The following SEC63 variants were observed in gnomAD, a reference collection of about 807,000 sequenced individuals.
SEC63 encodes the protein translocation protein SEC63 homolog.
In SEC63, 56 loss-of-function variants were observed where a neutral mutation model predicts 116.2. The ratio of observed to expected loss-of-function variants is 0.48; its 90% CI spans 0.39 to 0.60. SEC63 has a LOEUF of 0.60. SEC63 is among the 20% of genes least tolerant of loss of function. The probability of loss-of-function intolerance (pLI) is 0.00; values close to 1 mark genes in which losing one functional copy is unlikely to be tolerated. For synonymous variants in SEC63, 273 were observed against 294.6 expected, an observed-to-expected ratio of 0.93 and a Z score of 0.75; for missense variants, 668 against 900.0, an observed-to-expected ratio of 0.74 and a Z score of 3.30.
chr6:107,904,322 A>C (rs1787088246), intron 11 of SEC63, among the ~76,000 whole-genome samples: 1 of 151,590 alleles, frequency 6.6e-6, no homozygotes, highest in African/African-American at 2.4e-5. Flanking sequence ...AGGCAGGAGA[A>C]TCGCTTGAAC....
intron 17 of SEC63, among the ~76,000 whole-genome samples, chr6:107,882,378 A>G (rs747243771): frequency 1.9e-4 from 29 of 152,170 alleles, no homozygotes; most frequent in South Asian, 1.2e-3. Flanking sequence ...ATTCTTCTCT[A>G]TAATTCTCCC....
At chr6:107,956,511 G>A (rs1017950831) in intron 1 of SEC63, among the ~76,000 whole-genome samples, 1 of 151,942 alleles carries the variant, frequency 6.6e-6, no homozygotes, top group Admixed American at 6.6e-5. Flanking sequence ...AATGCACTTA[G>A]GAAATAAGGC....
At chr6:107,878,104 T>A (rs981669157) in intron 18 of SEC63, among the ~76,000 whole-genome samples, 4 of 152,240 alleles carry the variant, frequency 2.6e-5, no homozygotes, top group African/African-American at 7.2e-5. Context: ...AGTGTGGCTG[T>A]GTTCTAATAA....
Position 107,886,150 on chromosome 6 carries a change from G to C in SEC63, c.1675-3004C>G, listed in dbSNP as rs140800629. ...TTGTGTTAGTTTGCTGAGAATGATG[G>C]TTTCCAACGTCATCCATGTCCCTGC... On this transcript the variant is annotated intron_variant, in intron 16 of 20. Coordinates refer to ENST00000369002, the MANE Select transcript of SEC63 (RefSeq NM_007214.5). Among the ~76,000 whole-genome samples the C allele has an allele frequency of 7.0e-3, 1,068 of 152,180 alleles. 17 individuals carry two copies. The highest frequency in any genetic ancestry group is 0.025 in the African/African-American group (1,028 of 41,502).
At chr6:107,913,342 T>C in intron 5 of SEC63, 24 bp downstream of exon 5, 2 of 1,459,048 alleles carry the variant, frequency 1.4e-6, no homozygotes, top group Non-Finnish European at 1.9e-6. Flanking sequence ...ATCGCCAATA[T>C]TTTAAAATCA....
At chr6:107,947,091 T>A (rs1167468648) in intron 1 of SEC63, among the ~76,000 whole-genome samples, 1 of 152,132 alleles carries the variant, frequency 6.6e-6, no homozygotes, top group Non-Finnish European at 1.5e-5. Flanking sequence ...TTTTTTCTAA[T>A]GTTAAAAAAC....
intron 4 of SEC63, among the ~76,000 whole-genome samples, chr6:107,914,264 C>A (rs1177509796): frequency 6.6e-6 from 1 of 152,096 alleles, no homozygotes. Context: ...AACACACACG[C>A]TCAAAAATGA....
rs746736458 is a variant in SEC63, at chr6:107,924,864, C to T, written c.293G>A (p.Arg98Gln). ...ATAAGGATTGTATTCTTGGTATTCT[C>T]GGTCTGTTTTGGAAACTTTATATGC... ...FLAYKVSKTD[R>Q]EYQEYNPYEV... Residue 98 changes from arginine (R) to glutamine (Q), a missense_variant, in exon 3 of 21, where the codon CGA (arginine) becomes CAA (glutamine). Arg to Gln is a conservative substitution (Grantham distance 43). Coordinates refer to ENST00000369002, the MANE Select transcript of SEC63 (RefSeq NM_007214.5). 12 of 1,598,614 alleles carry T rather than the reference C, an allele frequency of 7.5e-6. No homozygotes were observed. In the East Asian group the frequency reaches 1.3e-4, roughly 18 times the overall value.
At chr6:107,945,907 T>C (rs999622902) in intron 1 of SEC63, among the ~76,000 whole-genome samples, 1 of 152,022 alleles carries the variant, frequency 6.6e-6, no homozygotes, top group Non-Finnish European at 1.5e-5. Context: ...ATGCAGGCGG[T>C]TTTTTTCCTG....
chr6:107,954,481 T>TAAAAAAAAAAAAAAAAA (rs1562345005), intron 1 of SEC63: 4 of 14,008 alleles, frequency 2.9e-4, no homozygotes, highest in Non-Finnish European at 5.4e-4. Context: ...AAAAAAAAAA[T>TAAAAAAAAAAAAAAAAA]CAAAAAAAAA....
At chr6:107,880,420 G>A (rs1363852365) in intron 18 of SEC63, among the ~76,000 whole-genome samples, 6 of 152,246 alleles carry the variant, frequency 3.9e-5, no homozygotes, top group Non-Finnish European at 7.4e-5. Context: ...CTCTACTCCA[G>A]ACAGAATCAT....
rs1009551987 is a variant in SEC63, at chr6:107,871,097, G to A, written c.*607C>T. ...TTTTTATAATCTGTCTGATAACTCT[G>A]GGCAATTAAGAAAAGGAAAATTCCA... On this transcript the variant is annotated 3_prime_UTR_variant, in exon 21 of 21. Transcript: ENST00000369002. 1 of 154,720 alleles carries A rather than the reference G, an allele frequency of 6.5e-6. No homozygotes were observed. The highest frequency in any genetic ancestry group is 1.4e-5 in the Non-Finnish European group (1 of 69,450). 9.6% of individuals were successfully genotyped at this position (154,720 alleles called of 1,614,324 possible). A position where few individuals can be genotyped will look rare whatever the true frequency, so the allele number is the denominator to read the frequency against.
At chr6:107,923,471 A>C (rs1787602798) in intron 3 of SEC63, among the ~76,000 whole-genome samples, 1 of 152,152 alleles carries the variant, frequency 6.6e-6, no homozygotes, top group Non-Finnish European at 1.5e-5. Flanking sequence ...AAATCACCTA[A>C]GGGGCACACT....
rs551370806 is a variant in SEC63, at chr6:107,953,861, C to T, written c.124+4025G>A. Among the ~76,000 whole-genome samples the T allele has an allele frequency of 4.8e-5, 7 of 144,396 alleles. No homozygotes were observed. The East Asian group carries it at 1.6e-3, about 32-fold the overall frequency. The allele number at this position is 144,396 out of a possible 152,430, so 94.7% of individuals were successfully genotyped here. The stretch of plus-strand genomic sequence containing the variant: ...GGGAGGTGGGGGGGTCAGCCCCCCG[C>T]CCGGCCAGCCGCCCGGTCCGGGAGG... On this transcript the variant is annotated intron_variant, in intron 1 of 20. Coordinates refer to ENST00000369002, the MANE Select transcript of SEC63 (RefSeq NM_007214.5).
At chr6:107,909,891 T>G (rs555368665) in intron 7 of SEC63, among the ~76,000 whole-genome samples, 3 of 152,294 alleles carry the variant, frequency 2.0e-5, no homozygotes, top group Non-Finnish European at 2.9e-5. Context: ...AAGTAACAAA[T>G]GGTGAATATC....
At chr6:107,917,362 C>T (rs1194421557) in intron 4 of SEC63, among the ~76,000 whole-genome samples, 2 of 152,124 alleles carry the variant, frequency 1.3e-5, no homozygotes, top group Non-Finnish European at 2.9e-5. Context: ...CCACTTCACA[C>T]CTCTCTATTT....
At chr6:107,934,641 A>C (rs1413477968) in intron 1 of SEC63, among the ~76,000 whole-genome samples, 5 of 117,374 alleles carry the variant, frequency 4.3e-5, no homozygotes, top group Admixed American at 8.5e-5. Context: ...GCCCCCCGCC[A>C]GGCCAGCCAC....
At chr6:107,935,147 T>C (rs1165505456) in intron 1 of SEC63, among the ~76,000 whole-genome samples, 2 of 125,550 alleles carry the variant, frequency 1.6e-5, no homozygotes, top group Admixed American at 7.7e-5. Context: ...CCCAGCCAGC[T>C]GCCCCGTCCG....
chr6:107,899,454 G>A (rs1324861589), intron 13 of SEC63, among the ~76,000 whole-genome samples: 1 of 152,010 alleles, frequency 6.6e-6, no homozygotes, highest in Admixed American at 6.6e-5. Context: ...GGTGGCTCAC[G>A]CCTATAATCC....
Sources: allele counts gnomAD v4.1 joint callset (sites outside exome capture counted in the v4.1 genomes callset), GRCh38; gene constraint gnomAD v4.1.1; transcripts MANE v1.5; gene names NCBI Gene and HGNC (gene_info 2026-07-23, HGNC 2026-07-21).